The following PTPRA variants were observed in gnomAD, a reference collection of about 807,000 sequenced individuals.
PTPRA encodes the protein protein tyrosine phosphatase receptor type A, also known as receptor-type tyrosine-protein phosphatase alpha.
In PTPRA, 25 loss-of-function variants were observed where a neutral mutation model predicts 104.8. The ratio of observed to expected loss-of-function variants is 0.24; its 90% CI spans 0.17 to 0.33. The LOEUF (loss-of-function observed/expected upper bound fraction) is 0.33, where lower values mean the gene tolerates loss of function less well. Ranked by LOEUF, PTPRA falls within the 10% of genes least tolerant of loss-of-function variation. The pLI is 1.00. For synonymous variants in PTPRA, 323 were observed against 368.9 expected (o/e 0.88, Z 1.43); for missense variants, 765 against 1,015.3 (o/e 0.75, Z 3.35).
chr20:2,972,545 A>G lies in PTPRA; in HGVS notation c.416-2670A>G, dbSNP rs138408369. Among the ~76,000 whole-genome samples the G allele has an allele frequency of 1.7e-3, 263 of 152,120 alleles. 3 individuals carry two copies. Among genetic ancestry groups the G allele is most frequent in the African/African-American group, 4.1e-3 (171 of 41,484 alleles). On this transcript the variant is annotated intron_variant, in intron 5 of 23. Transcript: ENST00000399903. ...GTAACAAGCTGTTGCAGTCTATTTG[A>G]TATTATTTCTTATTTTTTTCATTTA...
At chr20:2,929,760 G>A (rs1442325544) in intron 2 of PTPRA, among the ~76,000 whole-genome samples, 2 of 152,122 alleles carry the variant, frequency 1.3e-5, no homozygotes, top group African/African-American at 4.8e-5. Context: ...AGGAGCTCGA[G>A]GCTGCAGTAA....
At chr20:3,000,801 A>G (rs989457474) in intron 9 of PTPRA, among the ~76,000 whole-genome samples, 1 of 152,172 alleles carries the variant, frequency 6.6e-6, no homozygotes, top group African/African-American at 2.4e-5. Context: ...CAAAAACTAG[A>G]CTAGCAATAA....
At chr20:3,026,965 C>T (rs745325726) in intron 18 of PTPRA, among the ~76,000 whole-genome samples, 156 bp from the exon 19 acceptor site, 5 of 152,296 alleles carry the variant, frequency 3.3e-5, no homozygotes, top group African/African-American at 4.8e-5. Flanking sequence ...CTGGAAATAA[C>T]GTAAAAGCCA....
At chr20:2,979,969 A>G (rs765719376) in intron 6 of PTPRA, among the ~76,000 whole-genome samples, 1 of 151,924 alleles carries the variant, frequency 6.6e-6, no homozygotes, top group Non-Finnish European at 1.5e-5. Context: ...CTGGTGTGCA[A>G]TGGCACGATC....
Position 2,873,566 on chromosome 20 carries a change from A to G in PTPRA, c.-323A>G, listed in dbSNP as rs1337764664. On this transcript the variant is annotated 5_prime_UTR_variant, in exon 1 of 24. Transcript: ENST00000399903. This position sits in a 1 kb window ranked among gnomAD's most constrained non-coding sequence, Gnocchi z 4.4. ...CGCTCGGACCCCGGCCGCTGCCGCCATCACTGTCGCCCGCCCAGTCGCCCC... is the reference window on the plus strand; with the variant it reads ...CGCTCGGACCCCGGCCGCTGCCGCCGTCACTGTCGCCCGCCCAGTCGCCCC... 6.6e-6 allele frequency: 1 copy of G among 151,316 alleles called. No individual in the cohort carries two copies. Among genetic ancestry groups the G allele is most frequent in the Non-Finnish European group, 1.5e-5 (1 of 67,734 alleles). 9.4% of individuals were successfully genotyped at this position (151,316 alleles called of 1,614,324 possible). A position where few individuals can be genotyped will look rare whatever the true frequency, so the allele number is the denominator to read the frequency against.
At chr20:2,901,222 GC>G (rs1274348500) in intron 1 of PTPRA, among the ~76,000 whole-genome samples, 3 of 152,044 alleles carry the variant, frequency 2.0e-5, no homozygotes, top group Admixed American at 1.3e-4. Flanking sequence ...ACCTGCTTCG[GC>G]CTCCCAAATT....
chr20:2,912,474 A>G (rs1220511852), intron 1 of PTPRA, among the ~76,000 whole-genome samples: 1 of 151,662 alleles, frequency 6.6e-6, no homozygotes, highest in African/African-American at 2.4e-5. Context: ...AAATACAAAA[A>G]TTAGCTGGGC....
chr20:2,939,797 A>G (rs923405310), intron 2 of PTPRA, among the ~76,000 whole-genome samples: 1 of 152,058 alleles, frequency 6.6e-6, no homozygotes, highest in Non-Finnish European at 1.5e-5. Context: ...AATTTCATCT[A>G]GAATGTTCGG....
At position 3,022,637 on chromosome 20, in the gene PTPRA, C is replaced by T; in HGVS notation, c.1329-52C>T. The T allele has an allele frequency of 2.5e-6, 4 of 1,609,484 alleles. No individual in the cohort carries two copies. The highest frequency in any genetic ancestry group is 2.5e-6 in the Non-Finnish European group (3 of 1,176,954). On this transcript the variant is annotated intron_variant, in intron 15 of 23. Coordinates refer to ENST00000399903, the MANE Select transcript of PTPRA (RefSeq NM_001385305.1). The surrounding 1 kb of genome is among the most constrained non-coding windows in gnomAD (Gnocchi z 4.6). ...TGCCTGTGTTGCCCCTCCCTATCTGCTCCCACAAGGCAGGCTGGCCATCCC... is the reference window on the plus strand; with the variant it reads ...TGCCTGTGTTGCCCCTCCCTATCTGTTCCCACAAGGCAGGCTGGCCATCCC...
chr20:2,990,661 G>T (rs6115751), intron 9 of PTPRA, among the ~76,000 whole-genome samples: 1 of 152,178 alleles, frequency 6.6e-6, no homozygotes, highest in African/African-American at 2.4e-5. Context: ...AGCCTGCGGG[G>T]TGGAGGTTGC....
Position 3,004,488 on chromosome 20 carries a change from C to A in PTPRA, c.739-568C>A, listed in dbSNP as rs535353785. On this transcript the variant is annotated intron_variant, in intron 9 of 23. Transcript: ENST00000399903. ...TTTAATGTCACCTCACCCAAATCTT[C>A]TGCTTCTTAACTGCTGCATCTATAT... Among the ~76,000 whole-genome samples, 6 of 152,372 alleles carry A rather than the reference C, an allele frequency of 3.9e-5. No individual in the cohort carries two copies. The East Asian group carries it at 1.2e-3, about 29-fold the overall frequency.
intron 1 of PTPRA, among the ~76,000 whole-genome samples, chr20:2,877,712 C>G (rs1399059523): frequency 6.6e-6 from 1 of 152,102 alleles, no homozygotes; most frequent in Non-Finnish European, 1.5e-5. Context: ...AAATGTAAAA[C>G]TATTTATTTT....
At chr20:2,913,767 A>G (rs1418851443) in intron 1 of PTPRA, among the ~76,000 whole-genome samples, 1 of 152,148 alleles carries the variant, frequency 6.6e-6, no homozygotes, top group African/African-American at 2.4e-5. Context: ...AGTTTTCTCT[A>G]CCATACATTT....
chr20:2,933,690 G>A (rs2060589307), intron 2 of PTPRA, among the ~76,000 whole-genome samples: 2 of 152,070 alleles, frequency 1.3e-5, no homozygotes, highest in Non-Finnish European at 2.9e-5. Flanking sequence ...CAAAACTCCT[G>A]ACCTCAAGTG....
intron 2 of PTPRA, among the ~76,000 whole-genome samples, chr20:2,935,662 G>A (rs2147572872): frequency 6.6e-6 from 1 of 152,190 alleles, no homozygotes; most frequent in Non-Finnish European, 1.5e-5. Context: ...AAGCTCAAGT[G>A]ATCTACTTCA....
At chr20:3,029,558 T>TTTTTTTTTTTTA (rs2065328932) in intron 20 of PTPRA, among the ~76,000 whole-genome samples, 1 of 116,702 alleles carries the variant, frequency 8.6e-6, no homozygotes, top group Admixed American at 8.5e-5. Flanking sequence ...TTTTTTTTTT[T>TTTTTTTTTTTTA]GAGACGGAGT....
chr20:2,884,858 G>A (rs953779231), intron 1 of PTPRA, among the ~76,000 whole-genome samples: 4 of 148,374 alleles, frequency 2.7e-5, no homozygotes, highest in Non-Finnish European at 3.0e-5. Flanking sequence ...CGCCCAGGCT[G>A]GAGTGCAGTG....
rs201434450 is a variant in PTPRA at position 3,037,096 on chromosome 20, T to A, written c.2199-58T>A. On this transcript the variant is annotated intron_variant, in intron 22 of 23. Coordinates refer to ENST00000399903, the MANE Select transcript of PTPRA (RefSeq NM_001385305.1). This position sits in a 1 kb window ranked among gnomAD's most constrained non-coding sequence, Gnocchi z 4.3. ...CTCTTCTGCCACTCACCACTGTCACTCACCCCCTTGCACAGAGGGCCATCA... is the reference window on the plus strand; with the variant it reads ...CTCTTCTGCCACTCACCACTGTCACACACCCCCTTGCACAGAGGGCCATCA... 6.3e-7 allele frequency: 1 copy of A among 1,585,504 alleles called. No individual in the cohort carries two copies. The highest frequency in any genetic ancestry group is 1.7e-5 in the Admixed American group (1 of 57,890).
At chr20:2,865,301 C>A in the PTPRA span, 1 of 1,614,130 alleles carries the variant, frequency 6.2e-7, no homozygotes, top group Non-Finnish European at 8.5e-7. This position sits in a 1 kb window ranked among gnomAD's most constrained non-coding sequence, Gnocchi z 5.2. Flanking sequence ...ACGTGACTTC[C>A]GCATCCCTGA....
Sources: gnomAD v4.1 joint callset for allele counts (sites outside exome capture counted in the v4.1 genomes callset) on GRCh38, gnomAD v4.1.1 for gene constraint, Gnocchi (gnomAD v3.1) non-coding constraint, MANE v1.5 for transcripts, NCBI Gene and HGNC (gene_info 2026-07-23, HGNC 2026-07-21) for gene names.